Variants in CFAP54 observed in about 807,000 individuals in gnomAD.
The protein encoded by CFAP54 is cilia and flagella associated protein 54.
CFAP54 carries 290 observed loss-of-function variants against 370.4 expected under a neutral mutation model. That is an observed-to-expected ratio of 0.78 (90% CI 0.71 to 0.86). CFAP54 has a LOEUF of 0.86. CFAP54 is among the 40% of genes least tolerant of loss of function. The pLI is 0.00. For missense variants in CFAP54, 3,399 were observed against 3,528.7 expected (o/e 0.96, Z 0.93); for synonymous variants, 1,206 against 1,236.5 (o/e 0.98, Z 0.52).
intron 59 of CFAP54, among the ~76,000 whole-genome samples, chr12:96,764,847 A>G (rs1240276769): frequency 6.6e-6 from 1 of 152,204 alleles, no homozygotes; most frequent in East Asian, 1.9e-4. Flanking sequence ...TAGCTTATTT[A>G]AAGTGATTTA....
chr12:96,821,781 T>C (rs1264095417), intron 65 of CFAP54, among the ~76,000 whole-genome samples: 4 of 151,536 alleles, frequency 2.6e-5, no homozygotes, highest in African/African-American at 9.7e-5. Context: ...TTTGTTGTCA[T>C]GACAACCTTC....
At chr12:96,753,926 G>C (rs1265545652) in intron 56 of CFAP54, 28 bp downstream of exon 56, 1 of 1,593,528 alleles carries the variant, frequency 6.3e-7, no homozygotes, top group Non-Finnish European at 8.6e-7. Context: ...TCAGAACTAT[G>C]ATAAAATTTA....
intron 33 of CFAP54, chr12:96,646,002 A>G (rs528523502): frequency 3.0e-4 from 45 of 152,346 alleles, no homozygotes; most frequent in South Asian, 6.2e-4. Context: ...AAACCCTAGA[A>G]GAAAACCTAG....
Position 96,664,750 on chromosome 12 carries a change from T to G in CFAP54, c.5563+818T>G, listed in dbSNP as rs1309822101. Among the ~76,000 whole-genome samples, 129 of 26,190 alleles carry G rather than the reference T, an allele frequency of 4.9e-3. 2 individuals are homozygous for G. The highest frequency in any genetic ancestry group is 0.024 in the African/African-American group (123 of 5,100). The allele number at this position is 26,190 out of a possible 152,430, so 17.2% of individuals were successfully genotyped here. On this transcript the variant is annotated intron_variant, in intron 39 of 67. Transcript: ENST00000524981. ...CTATATATATATATCTATATATATA[T>G]ATATCTATATATATCTATATCTATA...
At chr12:96,499,946 CAAAAA>C (rs1955006184) in intron 1 of CFAP54, among the ~76,000 whole-genome samples, 1 of 116,224 alleles carries the variant, frequency 8.6e-6, no homozygotes, top group Non-Finnish European at 1.9e-5. Context: ...GACTCCATCT[CAAAAA>C]CAAAACAAAA....
At chr12:96,587,516 A>C (rs900879649) in intron 22 of CFAP54, among the ~76,000 whole-genome samples, 1 of 152,128 alleles carries the variant, frequency 6.6e-6, no homozygotes, top group African/African-American at 2.4e-5. Flanking sequence ...GCACATCACT[A>C]CCAGGACCAG....
chr12:96,681,119 C>CCACA (rs148319997), intron 40 of CFAP54, among the ~76,000 whole-genome samples: 1 of 150,642 alleles, frequency 6.6e-6, no homozygotes, highest in Non-Finnish European at 1.5e-5. Context: ...AAGCACCCCC[C>CCACA]CACACACACA....
chr12:96,720,540 C>T lies in CFAP54; in HGVS notation c.6940C>T (p.Leu2314=). 3 of 1,572,790 alleles carry T rather than the reference C, an allele frequency of 1.9e-6. No individual in the cohort carries two copies. The highest frequency in any genetic ancestry group is 1.4e-5 in the African/African-American group (1 of 73,950). Reference sequence around the variant, plus strand: ...CCGGCTTCAGCTGGCTGCAGTTGCTCTGCAGAGGCACCGGGCGGCATACAG... The same window carrying T: ...CCGGCTTCAGCTGGCTGCAGTTGCTTTGCAGAGGCACCGGGCGGCATACAG... ...EARLQLAAVA[L]QRHRAAYSAA... Residue 2314 remains leucine, a synonymous_variant, in exon 50 of 68, where the codon CTG becomes TTG. Transcript: ENST00000524981.
In CFAP54 at chr12:96,527,244, A is replaced by C; in HGVS notation, c.1159-2A>C. On this transcript the variant is annotated splice_acceptor_variant, in intron 8 of 67. Transcript: ENST00000524981. LOFTEE classifies it high-confidence loss of function. ...CTGAACTTTTTTTTTTCTCAATTTC[A>C]GTTATCATGGCCACGAACTGTCACA... is the stretch of plus-strand genomic sequence containing the variant. 1 of 1,498,288 alleles carries C rather than the reference A, an allele frequency of 6.7e-7. No homozygotes were observed. Among genetic ancestry groups the C allele is most frequent in the Non-Finnish European group, 8.8e-7 (1 of 1,130,170 alleles). 92.8% of individuals were successfully genotyped at this position (1,498,288 alleles called of 1,614,324 possible). A position where few individuals can be genotyped will look rare whatever the true frequency, so the allele number is the denominator to read the frequency against.
At chr12:96,652,915 A>G (rs1956878042) in intron 36 of CFAP54, among the ~76,000 whole-genome samples, 1 of 152,270 alleles carries the variant, frequency 6.6e-6, no homozygotes, top group African/African-American at 2.4e-5. Flanking sequence ...CGTGTTAAGA[A>G]GAACCTCAAT....
chr12:96,618,820 C>T (rs529392408), intron 26 of CFAP54, among the ~76,000 whole-genome samples: 122 of 152,270 alleles, frequency 8.0e-4, no homozygotes, highest in African/African-American at 2.8e-3. Flanking sequence ...AGGACCCCCA[C>T]CCCCTTCTTC....
chr12:96,813,029 C>G (rs1015480004), intron 64 of CFAP54, among the ~76,000 whole-genome samples: 1 of 152,120 alleles, frequency 6.6e-6, no homozygotes, highest in African/African-American at 2.4e-5. Context: ...AGGCTACAGA[C>G]CAGCATAGCT....
rs1337509063 is a variant in CFAP54 at position 96,875,547 on chromosome 12, T to TA, written c.*449dup. On this transcript the variant is annotated 3_prime_UTR_variant, in exon 68 of 68. Transcript: ENST00000524981. ...CAAGTAGATTAAAACTACATTCTGG[T>TA]AAAAATGAGCATGCATGTGTATTTA... 1.3e-5 allele frequency: 2 copies of TA among 152,222 alleles called. No homozygotes were observed. Among genetic ancestry groups the TA allele is most frequent in the African/African-American group, 4.8e-5 (2 of 41,446 alleles). 9.4% of individuals were successfully genotyped at this position (152,222 alleles called of 1,614,324 possible). A position where few individuals can be genotyped will look rare whatever the true frequency, so the allele number is the denominator to read the frequency against.
chr12:96,726,879 T>A (rs1325901425), intron 50 of CFAP54, among the ~76,000 whole-genome samples: 1 of 151,764 alleles, frequency 6.6e-6, no homozygotes, highest in East Asian at 1.9e-4. Flanking sequence ...TGTTGTGTCT[T>A]TGTTCTCATT....
chr12:96,678,440 C>T (rs1166425528), intron 39 of CFAP54, among the ~76,000 whole-genome samples: 5 of 151,934 alleles, frequency 3.3e-5, no homozygotes, highest in African/African-American at 9.7e-5. Context: ...TTAGTAGAGA[C>T]GGGGTTTCAC....
At chr12:96,729,787 G>A (rs7296282) in intron 50 of CFAP54, among the ~76,000 whole-genome samples, 35,875 of 152,070 alleles carry the variant, frequency 0.24, 4,414 homozygotes, top group South Asian at 0.29. Flanking sequence ...CGTCGCTCAC[G>A]CTGGGAGCTG....
intron 23 of CFAP54, among the ~76,000 whole-genome samples, chr12:96,590,543 G>T (rs996423008): frequency 6.6e-6 from 1 of 152,170 alleles, no homozygotes; most frequent in African/African-American, 2.4e-5. Context: ...ATTGCTTCAG[G>T]CAAGGCGTTG....
At chr12:96,760,247 A>G (rs1481801565) in intron 58 of CFAP54, among the ~76,000 whole-genome samples, 1 of 152,220 alleles carries the variant, frequency 6.6e-6, no homozygotes, top group Admixed American at 6.5e-5. Context: ...AACAGTCCAC[A>G]GAGAGATCAG....
intron 44 of CFAP54, among the ~76,000 whole-genome samples, chr12:96,692,977 C>G (rs767960226): frequency 4.3e-4 from 65 of 152,288 alleles, no homozygotes; most frequent in Non-Finnish European, 8.2e-4. Flanking sequence ...GCAAAACTGT[C>G]CTCTCCACAT....
Sources: allele counts gnomAD v4.1 joint callset (sites outside exome capture counted in the v4.1 genomes callset), GRCh38; gene constraint gnomAD v4.1.1; transcripts MANE v1.5; gene names NCBI Gene and HGNC (gene_info 2026-07-23, HGNC 2026-07-21).